VRK1: variants seen among roughly 807,000 people sequenced by gnomAD.
The protein encoded by VRK1 is serine/threonine-protein kinase VRK1.
In VRK1, 33 loss-of-function variants were observed where a neutral mutation model predicts 57.1. The observed-to-expected ratio is 0.58, with a 90% CI of 0.44 to 0.77. The LOEUF is 0.77. Among genes scored for constraint, VRK1 ranks in the 30% least tolerant of loss-of-function variants. VRK1 has a pLI of 0.00. For missense variants in VRK1, 413 were observed against 477.3 expected (o/e 0.87, Z 1.25); for synonymous variants, 137 against 147.8 (o/e 0.93, Z 0.53).
chr14:96,838,256 T>C (rs1421904509), intron 3 of VRK1, among the ~76,000 whole-genome samples: 1 of 152,164 alleles, frequency 6.6e-6, no homozygotes, highest in Admixed American at 6.5e-5. Context: ...GTAAATTAAA[T>C]TATTTATTTT....
At chr14:96,852,396 G>A (rs1415685138) in intron 5 of VRK1, among the ~76,000 whole-genome samples, 1 of 152,130 alleles carries the variant, frequency 6.6e-6, no homozygotes, top group East Asian at 1.9e-4. Context: ...CTTGATTTTA[G>A]CAGAATGTTG....
intron 12 of VRK1, among the ~76,000 whole-genome samples, chr14:96,880,768 CAT>C (rs1309917662): frequency 3.3e-5 from 5 of 152,194 alleles, no homozygotes; most frequent in Non-Finnish European, 5.9e-5. Flanking sequence ...CTTTTCATAA[CAT>C]GTGTGACCTC....
At position 96,864,193 on chromosome 14, in the gene VRK1, T is replaced by A. The variant is rs190207098; in HGVS notation, c.1068+3458T>A. Among the ~76,000 whole-genome samples, 27 of 152,324 alleles carry A rather than the reference T, an allele frequency of 1.8e-4. No individual in the cohort carries two copies. The East Asian group carries it at 3.7e-3, about 21-fold the overall frequency. ...GTTATTGAATTCTTTATTTTGAACT[T>A]CTTATTTGGCTGAATTTTGTCAAGT... is the stretch of plus-strand genomic sequence containing the variant. On this transcript the variant is annotated intron_variant, in intron 11 of 12. Coordinates refer to ENST00000216639, the MANE Select transcript of VRK1 (RefSeq NM_003384.3).
chr14:96,871,003 T>G (rs927143913), intron 11 of VRK1, among the ~76,000 whole-genome samples: 1 of 152,196 alleles, frequency 6.6e-6, no homozygotes, highest in African/African-American at 2.4e-5. Flanking sequence ...CAATCAACCC[T>G]GATAGCCAAC....
chr14:96,851,385 C>T (rs763464190), intron 5 of VRK1, among the ~76,000 whole-genome samples: 3 of 152,144 alleles, frequency 2.0e-5, no homozygotes, highest in Non-Finnish European at 4.4e-5. Context: ...AGGTGATCCA[C>T]CAGCCTTGGC....
chr14:96,808,246 T>C (rs2139688607), intron 1 of VRK1, among the ~76,000 whole-genome samples: 2 of 152,246 alleles, frequency 1.3e-5, no homozygotes, highest in South Asian at 4.1e-4. Context: ...GAATAAAAAA[T>C]GAATAGGACA....
Position 96,846,108 on chromosome 14 carries a change from A to G in VRK1, c.230A>G (p.Asn77Ser), listed in dbSNP as rs372142535. The G allele has an allele frequency of 9.3e-6, 15 of 1,613,256 alleles. No homozygotes were observed. The highest frequency in any genetic ancestry group is 4.0e-5 in the African/African-American group (3 of 74,888). The part of the protein sequence containing the change: ...PCVVKVEPSD[N>S]GPLFTELKFY... ...TTATATTTTAAGGAACCCAGTGACAATGGACCTCTTTTTACTGAATTAAAG... is the reference window on the plus strand; with the variant it reads ...TTATATTTTAAGGAACCCAGTGACAGTGGACCTCTTTTTACTGAATTAAAG... Residue 77 changes from asparagine (N) to serine (S), a missense_variant, in exon 4 of 13, where the codon AAT (asparagine) becomes AGT (serine). Physicochemically the swap from Asn to Ser is conservative, Grantham distance 46. Transcript: ENST00000216639.
At chr14:96,855,523 G>A (rs750285574) in intron 8 of VRK1, among the ~76,000 whole-genome samples, 167 bp downstream of exon 8, 2 of 152,188 alleles carry the variant, frequency 1.3e-5, no homozygotes, top group Non-Finnish European at 2.9e-5. Context: ...TGTATTCCAG[G>A]ACCATCTGTG....
At chr14:96,838,758 A>C (rs1365882774) in intron 3 of VRK1, among the ~76,000 whole-genome samples, 1 of 151,936 alleles carries the variant, frequency 6.6e-6, no homozygotes, top group Non-Finnish European at 1.5e-5. Context: ...ATCAACCAGA[A>C]CTCAGGAATT....
chr14:96,857,743 G>A (rs1888223772), intron 10 of VRK1, among the ~76,000 whole-genome samples: 1 of 152,072 alleles, frequency 6.6e-6, no homozygotes, highest in Non-Finnish European at 1.5e-5. Context: ...TCCTTTTCAG[G>A]GAGGTCTATC....
chr14:96,798,363 A>G (rs1885525285), intron 1 of VRK1, among the ~76,000 whole-genome samples: 1 of 152,182 alleles, frequency 6.6e-6, no homozygotes, highest in Non-Finnish European at 1.5e-5. Context: ...AGAGTCAGAC[A>G]CTATAGGTTC....
At chr14:96,870,052 C>A (rs1266199525) in intron 11 of VRK1, among the ~76,000 whole-genome samples, 1 of 152,060 alleles carries the variant, frequency 6.6e-6, no homozygotes, top group African/African-American at 2.4e-5. Flanking sequence ...TTGAGCATTC[C>A]TCAGAAGACT....
intron 11 of VRK1, among the ~76,000 whole-genome samples, chr14:96,866,941 ATTTG>A (rs960336194): frequency 6.6e-5 from 10 of 152,188 alleles, no homozygotes; most frequent in Non-Finnish European, 8.8e-5. Context: ...ACACATTTTA[ATTTG>A]TTTATGTGTG....
intron 11 of VRK1, among the ~76,000 whole-genome samples, chr14:96,861,966 G>A (rs1888406484): frequency 6.6e-6 from 1 of 152,152 alleles, no homozygotes; most frequent in Non-Finnish European, 1.5e-5. Context: ...ATTTCTCTGC[G>A]TTAATATTTA....
At chr14:96,870,351 G>A (rs566490887) in intron 11 of VRK1, among the ~76,000 whole-genome samples, 4 of 152,142 alleles carry the variant, frequency 2.6e-5, no homozygotes, top group East Asian at 1.9e-4. Context: ...AGCATGACCC[G>A]GCCACTCATT....
chr14:96,809,570 C>CTTTTTT (rs566987608), intron 1 of VRK1, among the ~76,000 whole-genome samples: 2 of 128,540 alleles, frequency 1.6e-5, no homozygotes, highest in Non-Finnish European at 3.3e-5. Context: ...TGCTTGCTTT[C>CTTTTTT]TTTTTTTTTT....
chr14:96,830,060 T>C (rs76470888), intron 1 of VRK1, among the ~76,000 whole-genome samples: 6 of 70,148 alleles, frequency 8.6e-5, no homozygotes, highest in Non-Finnish European at 2.0e-4. Flanking sequence ...TTTTTTCCCC[T>C]GGCATAAAAT....
chr14:96,843,387 C>T (rs1418871169), intron 3 of VRK1, among the ~76,000 whole-genome samples: 2 of 152,106 alleles, frequency 1.3e-5, no homozygotes, highest in Non-Finnish European at 2.9e-5. Context: ...TGATAAGAAT[C>T]TGTATTTCAC....
rs756589419 is a variant in VRK1, at chr14:96,846,098, C to G, written c.220C>G (p.Pro74Ala). 1.9e-6 allele frequency: 3 copies of G among 1,612,978 alleles called. No individual in the cohort carries two copies. In the Admixed American group the frequency reaches 5.0e-5, roughly 27 times the overall value. The part of the protein sequence containing the change: ...SDAPCVVKVE[P>A]SDNGPLFTEL... ...TAATTAACTCTTATATTTTAAGGAA[C>G]CCAGTGACAATGGACCTCTTTTTAC... is the stretch of plus-strand genomic sequence containing the variant. Residue 74 changes from proline to alanine, a missense_variant, in exon 4 of 13, where the codon CCC (proline) becomes GCC (alanine). Transcript: ENST00000216639.
Sources: allele counts gnomAD v4.1 joint callset (sites outside exome capture counted in the v4.1 genomes callset), GRCh38; gene constraint gnomAD v4.1.1; transcripts MANE v1.5; gene names NCBI Gene and HGNC (gene_info 2026-07-23, HGNC 2026-07-21).